The following AGRN variants were observed in gnomAD, a reference collection of about 807,000 sequenced individuals.
The protein encoded by AGRN is agrin, also known as agrin proteoglycan.
Under a neutral mutation model 211.0 loss-of-function variants are expected in AGRN, and 106 were observed. The observed-to-expected ratio is 0.50, with a 90% CI of 0.43 to 0.59. The LOEUF (loss-of-function observed/expected upper bound fraction) is 0.59, where lower values mean the gene tolerates loss of function less well. AGRN is among the 20% of genes least tolerant of loss of function. AGRN has a pLI of 0.00. For synonymous variants in AGRN, 1,525 were observed against 1,332.5 expected, an observed-to-expected ratio of 1.14 and a Z score of -3.15; for missense variants, 3,040 against 2,982.6, an observed-to-expected ratio of 1.02 and a Z score of -0.45.
At chr1:1,051,204 C>T in intron 30 of AGRN, 49 bp from the exon 31 acceptor site, 1 of 1,555,224 alleles carries the variant, frequency 6.4e-7, no homozygotes, top group Non-Finnish European at 8.7e-7. Flanking sequence ...GGCCCTGGGT[C>T]TGCACCGTGG....
Position 1,051,467 on chromosome 1 carries a change from C to T in AGRN, c.5385C>T (p.Gly1795=), listed in dbSNP as rs1375097481. ...CTGCCCTGCAGGTCTCCCTCGGAGG[C>T]CGCCAGCTGCTGACCCCGGAGCACG... ...DGAIQLVSLG[G]RQLLTPEHVL... The change falls in exon 32 of 36, where the codon GGC becomes GGT. Residue 1795 remains glycine, a synonymous_variant. Coordinates refer to ENST00000379370, the MANE Select transcript of AGRN (RefSeq NM_198576.4). The T allele has an allele frequency of 1.3e-6, 2 of 1,562,104 alleles. No individual in the cohort carries two copies. The highest frequency in any genetic ancestry group is 4.6e-5 in the East Asian group (2 of 43,162).
At chr1:1,042,409 T>G (rs905581172) in intron 7 of AGRN, among the ~76,000 whole-genome samples, 1 of 152,268 alleles carries the variant, frequency 6.6e-6, no homozygotes, top group Admixed American at 6.5e-5. Flanking sequence ...ACGCCCTCCC[T>G]GGGAGTCCTC....
chr1:1,045,300 G>A lies in AGRN; in HGVS notation c.2371+23G>A, dbSNP rs368281597. On this transcript the variant is annotated intron_variant, in intron 13 of 35. Coordinates refer to ENST00000379370, the MANE Select transcript of AGRN (RefSeq NM_198576.4). ...CCAGTGAGTACCTGAGCTCAGCCCCGACCCCGGGCCTGGTGCGGCTGTGCG... is the reference window on the plus strand; with the variant it reads ...CCAGTGAGTACCTGAGCTCAGCCCCAACCCCGGGCCTGGTGCGGCTGTGCG... 226 of 1,612,002 alleles carry A rather than the reference G, an allele frequency of 1.4e-4. 1 individual carries two copies. In the African/African-American group the frequency reaches 2.5e-3, roughly 18 times the overall value.
intron 2 of AGRN, among the ~76,000 whole-genome samples, chr1:1,026,085 C>G (rs2100574931): frequency 6.6e-6 from 1 of 152,028 alleles, no homozygotes; most frequent in African/African-American, 2.4e-5. Flanking sequence ...TTTGAGAGGG[C>G]CGGGCTGAGC....
chr1:1,041,031 C>T, intron 4 of AGRN, 142 bp from the exon 5 acceptor site: 2 of 369,106 alleles, frequency 5.4e-6, no homozygotes, highest in Non-Finnish European at 8.0e-6. Context: ...GGGGGCGGAG[C>T]GGGGCGGGAG....
At chr1:1,023,030 C>G (rs1416817535) in intron 2 of AGRN, among the ~76,000 whole-genome samples, 1 of 152,260 alleles carries the variant, frequency 6.6e-6, no homozygotes, top group East Asian at 1.9e-4. Context: ...AATCCCATGG[C>G]AGCCCCCGCA....
chr1:1,023,835 G>T (rs957122437), intron 2 of AGRN, among the ~76,000 whole-genome samples: 4 of 152,228 alleles, frequency 2.6e-5, no homozygotes, highest in African/African-American at 9.6e-5. Flanking sequence ...GGAGCAGAGC[G>T]CTGGGAGGAG....
chr1:1,030,595 T>TGA (rs1644644855), intron 2 of AGRN, among the ~76,000 whole-genome samples: 1 of 60,244 alleles, frequency 1.7e-5, no homozygotes. Flanking sequence ...CATGGTGCTG[T>TGA]GAGATCAGCG....
At chr1:1,036,395 C>T (rs1223885383) in intron 3 of AGRN, among the ~76,000 whole-genome samples, 3 of 152,092 alleles carry the variant, frequency 2.0e-5, no homozygotes, top group Admixed American at 2.0e-4. Flanking sequence ...AGTTTAGGCA[C>T]CTGGGAACCG....
Position 1,049,570 on chromosome 1 carries a change from C to T in AGRN, c.4519C>T (p.Leu1507=). 2 of 1,590,152 alleles carry T rather than the reference C, an allele frequency of 1.3e-6. No homozygotes were observed. The highest frequency in any genetic ancestry group is 1.7e-6 in the Non-Finnish European group (2 of 1,169,428). Residue 1507 remains leucine, a synonymous_variant, in exon 26 of 36, where the codon CTG becomes TTG. Coordinates refer to ENST00000379370, the MANE Select transcript of AGRN (RefSeq NM_198576.4). ...CGGTGTCCCTCCTGGTGGCAGGGCG[C>T]TGGAGCGGACCTTCGTGGGCGCCGG... ...GVPEDQAAVA[L]ERTFVGAGLR...
chr1:1,050,278 G>C lies in AGRN; in HGVS notation c.4925G>C (p.Gly1642Ala). ...GGGCCCTTCCTGGCTGACTTCAACG[G>C]CTTCTCCCACCTGGAGCTGAGAGGC... ...GSGPFLADFN[G>A]FSHLELRGLH... The change falls in exon 28 of 36, where the codon GGC becomes GCC. Residue 1642 changes from glycine to alanine, a missense_variant. Gly to Ala is a moderately conservative substitution (Grantham distance 60). Coordinates refer to ENST00000379370, the MANE Select transcript of AGRN (RefSeq NM_198576.4). 6.8e-6 allele frequency: 11 copies of C among 1,613,144 alleles called. No individual in the cohort carries two copies. Among genetic ancestry groups the C allele is most frequent in the Non-Finnish European group, 9.3e-6 (11 of 1,179,936 alleles).
rs1354093526 is a variant in AGRN at position 1,050,541 on chromosome 1, C to T, written c.5091C>T (p.Asp1697=). Residue 1697 remains aspartate (D), a synonymous_variant, in exon 29 of 36, where the codon GAC becomes GAT. Transcript: ENST00000379370. ...KGDFVSLALR[D]RRLEFRYDLG... The stretch of plus-strand genomic sequence containing the variant: ...ACTTCGTGTCGCTGGCACTGCGGGA[C>T]CGCCGCCTGGAGTTCCGCTACGACC... The T allele has an allele frequency of 6.2e-7, 1 of 1,612,550 alleles. No homozygotes were observed. Among genetic ancestry groups the T allele is most frequent in the Non-Finnish European group, 8.5e-7 (1 of 1,179,826 alleles).
At chr1:1,033,914 C>T (rs1644735912) in intron 2 of AGRN, among the ~76,000 whole-genome samples, 1 of 151,572 alleles carries the variant, frequency 6.6e-6, no homozygotes, top group Non-Finnish European at 1.5e-5. Context: ...CTCTGGAACT[C>T]CCCGCGGACG....
rs779617012 is a variant in AGRN at position 1,028,320 on chromosome 1, G to GCACCCCCC, written c.463+5859_463+5860insACCCCCCC. Reference sequence around the variant, plus strand: ...GCCGTTCTCTCTCCCGTGGGGAAACGCCCCCCCCCCCCCCCCGCCCTGCAC... The same window carrying GCACCCCCC: ...GCCGTTCTCTCTCCCGTGGGGAAACGCACCCCCCCCCCCCCCCCCCCCCCGCCCTGCAC... On this transcript the variant is annotated intron_variant, in intron 2 of 35. Coordinates refer to ENST00000379370, the MANE Select transcript of AGRN (RefSeq NM_198576.4). Among the ~76,000 whole-genome samples the GCACCCCCC allele has an allele frequency of 3.2e-3, 339 of 105,100 alleles. 44 individuals are homozygous for GCACCCCCC. Among genetic ancestry groups the GCACCCCCC allele is most frequent in the African/African-American group, 8.8e-3 (217 of 24,560 alleles). 68.9% of individuals were successfully genotyped at this position (105,100 alleles called of 152,430 possible). A position where few individuals can be genotyped will look rare whatever the true frequency, so the allele number is the denominator to read the frequency against.
chr1:1,051,965 TCTCA>T (rs1373597893), intron 33 of AGRN, 150 bp downstream of exon 33: 3 of 1,547,436 alleles, frequency 1.9e-6, no homozygotes, highest in South Asian at 1.2e-5. Context: ...TCCTCCCGCC[TCTCA>T]CTGTCTGTCT....
At chr1:1,047,231 C>A (rs576097835) in intron 19 of AGRN, 96 bp from the exon 20 acceptor site, 1 of 1,517,440 alleles carries the variant, frequency 6.6e-7, no homozygotes, top group Non-Finnish European at 8.8e-7. Flanking sequence ...ATCCACCTTC[C>A]CTTGCACCCT....
In AGRN at chr1:1,043,316, T is replaced by G; in HGVS notation, c.1462T>G (p.Cys488Gly). The G allele has an allele frequency of 6.2e-7, 1 of 1,610,708 alleles. No homozygotes were observed. Residue 488 changes from cysteine to glycine, a missense_variant, in exon 8 of 36, where the codon TGT (cysteine) becomes GGT (glycine). Around this residue, in one of 3 missense-constraint regions of AGRN, gnomAD observed 1,498 missense variants for 1,457.8 expected, o/e 1.03. Coordinates refer to ENST00000379370, the MANE Select transcript of AGRN (RefSeq NM_198576.4). ...TGCTGTGAAGAACGGGCAGGCAGCG[T>G]GTGAATGCCTGCAGGCGTGCTCGAG... is the stretch of plus-strand genomic sequence containing the variant. ...TCAVKNGQAA[C>G]ECLQACSSLY...
chr1:1,025,396 C>A (rs1397394424), intron 2 of AGRN, among the ~76,000 whole-genome samples: 1 of 152,192 alleles, frequency 6.6e-6, no homozygotes, highest in African/African-American at 2.4e-5. Context: ...CCGGGGACAG[C>A]ATCGGTGCTG....
In AGRN at chr1:1,049,127, G is replaced by T. The variant is rs1350024627; in HGVS notation, c.4298+68G>T. On this transcript the variant is annotated intron_variant, in intron 24 of 35. Coordinates refer to ENST00000379370, the MANE Select transcript of AGRN (RefSeq NM_198576.4). Reference sequence around the variant, plus strand: ...GGGAGGGGACGGGCGGGGGAGGGGGGGCCGGGGCAGCTCAGGTGGGTGGGG... The same window carrying T: ...GGGAGGGGACGGGCGGGGGAGGGGGTGCCGGGGCAGCTCAGGTGGGTGGGG... The T allele has an allele frequency of 2.6e-5, 20 of 757,622 alleles. 1 individual carries two copies. Among genetic ancestry groups the T allele is most frequent in the Non-Finnish European group, 3.4e-5 (18 of 527,162 alleles). 46.9% of individuals were successfully genotyped at this position (757,622 alleles called of 1,614,324 possible).
Sources: allele counts gnomAD v4.1 joint callset (sites outside exome capture counted in the v4.1 genomes callset), GRCh38; gene constraint gnomAD v4.1.1; regional missense constraint gnomAD v4.1.1; transcripts MANE v1.5; gene names NCBI Gene and HGNC (gene_info 2026-07-23, HGNC 2026-07-21).